NRG1: variants seen among roughly 807,000 people sequenced by gnomAD.
The protein encoded by NRG1 is pro-neuregulin-1, membrane-bound isoform.
A neutral mutation model predicts 63.8 loss-of-function variants in NRG1; 18 were observed. The ratio of observed to expected loss-of-function variants is 0.28; its 90% CI spans 0.19 to 0.42. The LOEUF (loss-of-function observed/expected upper bound fraction) is 0.42, where lower values mean the gene tolerates loss of function less well. Ranked by LOEUF, NRG1 falls within the 10% of genes least tolerant of loss-of-function variation. The probability of loss-of-function intolerance (pLI) is 1.00; values close to 1 mark genes in which losing one functional copy is unlikely to be tolerated. For missense variants in NRG1, 762 were observed against 814.7 expected (o/e 0.94, Z 0.79); for synonymous variants, 302 against 301.3 (o/e 1.00, Z -0.02).
At chr8:32,076,632 C>G (rs1826601850) in intron 1 of NRG1, among the ~76,000 whole-genome samples, 1 of 151,622 alleles carries the variant, frequency 6.6e-6, no homozygotes, top group Non-Finnish European at 1.5e-5. Context: ...AGGCTTAATA[C>G]CTGGGTGATA....
chr8:32,524,827 T>C (rs1020177088), intron 1 of NRG1, among the ~76,000 whole-genome samples: 1 of 152,240 alleles, frequency 6.6e-6, no homozygotes, highest in Non-Finnish European at 1.5e-5. Context: ...CTTATCATCA[T>C]AAACCTAGGC....
At position 31,870,989 on chromosome 8, in the gene NRG1, T is replaced by C. The variant is rs115304872; in HGVS notation, c.37+231558T>C. Among the ~76,000 whole-genome samples, 1,378 of 149,644 alleles carry C rather than the reference T, an allele frequency of 9.2e-3. 21 individuals carry two copies. The highest frequency in any genetic ancestry group is 0.032 in the African/African-American group (1,303 of 40,216). ...CTGTCTTCTTCCTTGTGTTGTCAGA[T>C]CCACACTTTTATTTTCCTTTTTTTT... On this transcript the variant is annotated intron_variant, in intron 1 of 10. Coordinates refer to the NRG1 transcript ENST00000519301.
intron 1 of NRG1, chr8:32,287,628 C>G (rs928088770): frequency 6.6e-6 from 1 of 152,198 alleles, no homozygotes; most frequent in Non-Finnish European, 1.5e-5. Flanking sequence ...ATTCATCAAG[C>G]ATTCGCCAGT....
intron 1 of NRG1, among the ~76,000 whole-genome samples, chr8:31,947,222 C>T (rs2129622077): frequency 6.6e-6 from 1 of 150,398 alleles, no homozygotes; most frequent in East Asian, 2.0e-4. Flanking sequence ...ATGGCGTGAA[C>T]CCGGGAAGCG....
intron 1 of NRG1, among the ~76,000 whole-genome samples, chr8:32,069,644 G>T (rs939730084): frequency 6.6e-5 from 10 of 152,110 alleles, no homozygotes; most frequent in Non-Finnish European, 1.5e-4. Flanking sequence ...CTTTTTGGAA[G>T]ACTGCACCTC....
chr8:32,593,854 CAA>C (rs11444147), intron 1 of NRG1, among the ~76,000 whole-genome samples: 2,106 of 97,040 alleles, frequency 0.022, 54 homozygotes, highest in African/African-American at 0.079. Flanking sequence ...TTCAAGGTGT[CAA>C]AAAAAAAAAA....
At chr8:32,693,335 C>T (rs745568065) in intron 5 of NRG1, among the ~76,000 whole-genome samples, 1 of 151,752 alleles carries the variant, frequency 6.6e-6, no homozygotes, top group Non-Finnish European at 1.5e-5. Context: ...TCTCCTGCGT[C>T]AGCCTCCCAA....
chr8:31,675,757 A>G (rs946883977), intron 1 of NRG1, among the ~76,000 whole-genome samples: 1 of 152,170 alleles, frequency 6.6e-6, no homozygotes, highest in African/African-American at 2.4e-5. Flanking sequence ...TGAGTTATAG[A>G]TGACCAAATG....
At chr8:32,023,410 G>A (rs1816758975) in intron 1 of NRG1, among the ~76,000 whole-genome samples, 1 of 152,206 alleles carries the variant, frequency 6.6e-6, no homozygotes, top group African/African-American at 2.4e-5. Flanking sequence ...AGGAAAGGAA[G>A]TGAATGAACT....
intron 1 of NRG1, among the ~76,000 whole-genome samples, chr8:32,306,520 G>A (rs970620252): frequency 2.0e-5 from 3 of 152,116 alleles, no homozygotes; most frequent in Non-Finnish European, 4.4e-5. Flanking sequence ...ATGGACTCAG[G>A]GCTTTGTTGA....
At chr8:32,418,471 C>CT (rs1424265903) in intron 1 of NRG1, among the ~76,000 whole-genome samples, 4 of 151,810 alleles carry the variant, frequency 2.6e-5, no homozygotes, top group African/African-American at 9.7e-5. Context: ...ATTTTACATT[C>CT]TTTTTTTCAC....
At chr8:32,486,556 G>T (rs900107299) in intron 1 of NRG1, among the ~76,000 whole-genome samples, 1 of 151,570 alleles carries the variant, frequency 6.6e-6, no homozygotes, top group Non-Finnish European at 1.5e-5. Flanking sequence ...TTTACTGTTT[G>T]ACCTCAAAAG....
chr8:31,822,269 A>G (rs1824076873), intron 1 of NRG1, among the ~76,000 whole-genome samples: 1 of 152,218 alleles, frequency 6.6e-6, no homozygotes, highest in South Asian at 2.1e-4. Flanking sequence ...AGTGTGGAAG[A>G]CAGAGGATAA....
chr8:32,030,612 C>G (rs1818121312), intron 1 of NRG1, among the ~76,000 whole-genome samples: 1 of 152,030 alleles, frequency 6.6e-6, no homozygotes, highest in South Asian at 2.1e-4. Flanking sequence ...CAGAGGGGAC[C>G]ATATCCTTTA....
At chr8:32,670,995 C>T (rs1010474603) in intron 5 of NRG1, among the ~76,000 whole-genome samples, 1 of 152,096 alleles carries the variant, frequency 6.6e-6, no homozygotes, top group African/African-American at 2.4e-5. Flanking sequence ...GCAGCCTAGA[C>T]CCAGATTTCT....
intron 1 of NRG1, among the ~76,000 whole-genome samples, chr8:32,400,674 C>T (rs1431243399): frequency 2.0e-5 from 3 of 152,156 alleles, no homozygotes; most frequent in Non-Finnish European, 4.4e-5. Context: ...AGGGAACGCT[C>T]ATACACTGCT....
chr8:32,070,648 C>G (rs769308988), intron 1 of NRG1, among the ~76,000 whole-genome samples: 1 of 152,176 alleles, frequency 6.6e-6, no homozygotes, highest in Admixed American at 6.5e-5. Flanking sequence ...AATCTATTCA[C>G]CTCTCTCTGT....
chr8:31,884,519 C>T (rs1830577492), intron 1 of NRG1, among the ~76,000 whole-genome samples: 1 of 152,064 alleles, frequency 6.6e-6, no homozygotes, highest in East Asian at 1.9e-4. Context: ...ACAGAACTGC[C>T]TTTTCTCCCA....
At chr8:32,238,413 C>T (rs962600146) in intron 1 of NRG1, among the ~76,000 whole-genome samples, 1 of 149,544 alleles carries the variant, frequency 6.7e-6, no homozygotes, top group South Asian at 2.1e-4. Flanking sequence ...CAAGATTGTC[C>T]AGCCTGGACA....
Sources: gnomAD v4.1 joint callset for allele counts (sites outside exome capture counted in the v4.1 genomes callset) on GRCh38, gnomAD v4.1.1 for gene constraint, MANE v1.5 for transcripts, NCBI Gene and HGNC (gene_info 2026-07-23, HGNC 2026-07-21) for gene names.